DNAH12: variants seen among roughly 807,000 people sequenced by gnomAD.
DNAH12 encodes the protein dynein axonemal heavy chain 12.
In DNAH12, 285 loss-of-function variants were observed where a neutral mutation model predicts 371.5. The ratio of observed to expected loss-of-function variants is 0.77; its 90% CI spans 0.70 to 0.85. The LOEUF is 0.85. Ranked by LOEUF, DNAH12 falls within the 40% of genes least tolerant of loss-of-function variation. The probability of loss-of-function intolerance (pLI) is 0.00; values close to 1 mark genes in which losing one functional copy is unlikely to be tolerated. For missense variants in DNAH12, 3,611 were observed against 3,689.4 expected, an observed-to-expected ratio of 0.98 and a Z score of 0.55; for synonymous variants, 1,200 against 1,213.0, an observed-to-expected ratio of 0.99 and a Z score of 0.22.
intron 13 of DNAH12, 88 bp from the exon 14 acceptor site, chr3:57,472,759 C>T: frequency 7.4e-7 from 1 of 1,345,040 alleles, no homozygotes; most frequent in Non-Finnish European, 1.0e-6. Flanking sequence ...TCTCTAATAC[C>T]CTTTCAGATT....
chr3:57,411,526 CAAAAAAAAAAAA>C (rs57344840), intron 39 of DNAH12, among the ~76,000 whole-genome samples: 2 of 39,154 alleles, frequency 5.1e-5, no homozygotes, highest in East Asian at 2.6e-3. Flanking sequence ...GACACTGTCT[CAAAAAAAAAAAA>C]AAAAAAAAAA....
chr3:57,356,500 A>T (rs2062805284), intron 59 of DNAH12, among the ~76,000 whole-genome samples: 1 of 151,020 alleles, frequency 6.6e-6, no homozygotes. Flanking sequence ...AAATAAAGAA[A>T]AAAGAAATGT....
intron 34 of DNAH12, among the ~76,000 whole-genome samples, chr3:57,426,290 A>G (rs2064765541): frequency 6.6e-6 from 1 of 152,210 alleles, no homozygotes; most frequent in Admixed American, 6.6e-5. Context: ...ATTTAATTAC[A>G]AGAGGAAGAG....
At chr3:57,550,358 TTAA>T in the DNAH12 span, among the ~76,000 whole-genome samples, 2 of 152,054 alleles carry the variant, frequency 1.3e-5, no homozygotes, top group South Asian at 2.1e-4. Context: ...TAAATAAATA[TTAA>T]TAATAAAACC....
intron 36 of DNAH12, among the ~76,000 whole-genome samples, chr3:57,420,780 G>A (rs2064548228): frequency 6.6e-6 from 1 of 151,762 alleles, no homozygotes. Context: ...GTGGTGGCGG[G>A]CACCTGTAGT....
the DNAH12 span, among the ~76,000 whole-genome samples, chr3:57,551,433 T>A: frequency 4.6e-5 from 7 of 151,326 alleles, no homozygotes; most frequent in African/African-American, 7.3e-5. Flanking sequence ...GACCACGCCC[T>A]GCTAATTTTT....
intron 59 of DNAH12, among the ~76,000 whole-genome samples, chr3:57,356,605 A>G (rs1030770711): frequency 2.6e-5 from 4 of 152,000 alleles, no homozygotes; most frequent in Admixed American, 1.3e-4. Context: ...TGAAATATTT[A>G]AGAGAGAGAA....
intron 39 of DNAH12, among the ~76,000 whole-genome samples, chr3:57,411,882 AAG>A (rs1156700791): frequency 2.6e-5 from 4 of 152,184 alleles, no homozygotes; most frequent in Admixed American, 6.5e-5. Context: ...ACACTATTGA[AAG>A]AGAAAAACAA....
intron 2 of DNAH12, chr3:57,530,420 T>C: frequency 1.6e-6 from 1 of 624,974 alleles, no homozygotes; most frequent in South Asian, 2.0e-5. Context: ...AGCCATCTGC[T>C]GGGCCACACT....
intron 12 of DNAH12, among the ~76,000 whole-genome samples, chr3:57,487,869 GT>G (rs35292612): frequency 0.67 from 100,615 of 149,750 alleles, 33,772 homozygotes; most frequent in South Asian, 0.75. Context: ...CTTATAAAGT[GT>G]TTTTTTTTTG....
At chr3:57,519,852 G>T in intron 4 of DNAH12, 1 of 1,021,636 alleles carries the variant, frequency 9.8e-7, no homozygotes, top group Non-Finnish European at 1.6e-6. Flanking sequence ...CCTGGACTCT[G>T]CAGATGGCGC....
At chr3:57,405,195 T>G in intron 41 of DNAH12, 48 bp from the exon 42 acceptor site, 1 of 1,452,372 alleles carries the variant, frequency 6.9e-7, no homozygotes, top group Non-Finnish European at 9.1e-7. Flanking sequence ...CATTTAAAAA[T>G]AAATTTAAGA....
upstream of DNAH12, among the ~76,000 whole-genome samples, chr3:57,547,197 T>C (rs1411043585): frequency 8.9e-6 from 1 of 112,744 alleles, no homozygotes; most frequent in African/African-American, 3.7e-5. Flanking sequence ...TGTATAGACA[T>C]ACACACACAC....
Position 57,301,790 on chromosome 3 carries a change from A to G in DNAH12, c.11339T>C (p.Leu3780Pro). 6.4e-7 allele frequency: 1 copy of G among 1,551,554 alleles called. No homozygotes were observed. The highest frequency in any genetic ancestry group is 1.7e-4 in the Middle Eastern group (1 of 5,992). The change falls in exon 70 of 74, where the codon CTT becomes CCT. Residue 3780 changes from leucine to proline, a missense_variant. By Grantham distance (98) the Leu-to-Pro change is moderately conservative (BLOSUM62 -3). Around this residue, in one of 3 missense-constraint regions of DNAH12, gnomAD observed 2,266 missense variants for 2,236.9 expected, o/e 1.01. Transcript: ENST00000495027. ...EIWAKRSYPS[L>P]KPLGSYITDF... Reference sequence around the variant, plus strand: ...TGTGATGTAACTTCCCAGGGGCTTAAGGCTTGGGTATGAACGTTTGGCCCA... The same window carrying G: ...TGTGATGTAACTTCCCAGGGGCTTAGGGCTTGGGTATGAACGTTTGGCCCA...
rs2153376648 is a variant in DNAH12, at chr3:57,459,726, C to T, written c.2797G>A (p.Ala933Thr). The T allele has an allele frequency of 1.3e-6, 2 of 1,542,098 alleles. No homozygotes were observed. The highest frequency in any genetic ancestry group is 1.4e-5 in the African/African-American group (1 of 73,016). Residue 933 changes from alanine (A) to threonine (T), a missense_variant, in exon 20 of 74, where the codon GCT (alanine) becomes ACT (threonine). Ala to Thr is a moderately conservative substitution (Grantham distance 58, BLOSUM62 0). Transcript: ENST00000495027. ...ETIDEWLKVQ[A>T]QWLYLEPIFC... ...ATGGGCTCTAAGTACAGCCATTGAGCTTGTACTTTTAACCATTCATCAATT... is the reference window on the plus strand; with the variant it reads ...ATGGGCTCTAAGTACAGCCATTGAGTTTGTACTTTTAACCATTCATCAATT...
chr3:57,450,960 T>A (rs1559675858), intron 25 of DNAH12, among the ~76,000 whole-genome samples: 1 of 152,196 alleles, frequency 6.6e-6, no homozygotes, highest in Non-Finnish European at 1.5e-5. Context: ...TGACCCTTAG[T>A]CAATGACATT....
intron 69 of DNAH12, among the ~76,000 whole-genome samples, chr3:57,305,117 T>A (rs2107664662): frequency 6.6e-6 from 1 of 152,278 alleles, no homozygotes; most frequent in African/African-American, 2.4e-5. Flanking sequence ...TTTTCCATCC[T>A]ACAAGATCTA....
At position 57,301,781 on chromosome 3, in the gene DNAH12, A is replaced by G; in HGVS notation, c.11348T>C (p.Leu3783Pro). ...AKRSYPSLKP[L>P]GSYITDFLAR... Reference sequence around the variant, plus strand: ...TAGGAAATCTGTGATGTAACTTCCCAGGGGCTTAAGGCTTGGGTATGAACG... The same window carrying G: ...TAGGAAATCTGTGATGTAACTTCCCGGGGGCTTAAGGCTTGGGTATGAACG... The change falls in exon 70 of 74, where the codon CTG becomes CCG. Residue 3783 changes from leucine to proline, a missense_variant. Coordinates refer to ENST00000495027, the MANE Select transcript of DNAH12 (RefSeq NM_001366028.2). The G allele has an allele frequency of 5.8e-6, 9 of 1,551,442 alleles. No homozygotes were observed. Among genetic ancestry groups the G allele is most frequent in the Non-Finnish European group, 6.1e-6 (7 of 1,146,954 alleles).
intron 11 of DNAH12, among the ~76,000 whole-genome samples, chr3:57,499,158 C>T (rs575455399): frequency 3.7e-4 from 57 of 152,144 alleles, no homozygotes; most frequent in African/African-American, 1.3e-3. Flanking sequence ...CTTTAGAAAA[C>T]AAAAACCTAA....
Sources: allele counts gnomAD v4.1 joint callset (sites outside exome capture counted in the v4.1 genomes callset), GRCh38; gene constraint gnomAD v4.1.1; regional missense constraint gnomAD v4.1.1; transcripts MANE v1.5; gene names NCBI Gene and HGNC (gene_info 2026-07-23, HGNC 2026-07-21).